The following UBE2G1 variants were observed in gnomAD, a reference collection of about 807,000 sequenced individuals.
The protein encoded by UBE2G1 is ubiquitin conjugating enzyme E2 G1.
UBE2G1 carries 5 observed loss-of-function variants against 22.7 expected under a neutral mutation model. The ratio of observed to expected loss-of-function variants is 0.22; its 90% CI spans 0.12 to 0.46. The LOEUF (loss-of-function observed/expected upper bound fraction) is 0.46. UBE2G1 is among the 20% of genes least tolerant of loss of function. UBE2G1 has a pLI of 0.99. For missense variants in UBE2G1, 88 were observed against 203.9 expected (o/e 0.43, Z 3.46); for synonymous variants, 74 against 67.5 (o/e 1.10, Z -0.47).
chr17:4,291,744 C>A (rs1044752165), intron 3 of UBE2G1, among the ~76,000 whole-genome samples: 1 of 152,178 alleles, frequency 6.6e-6, no homozygotes, highest in African/African-American at 2.4e-5. Context: ...ATGGCCATTT[C>A]ATTGCCTCCT....
At chr17:4,342,547 A>G (rs1015944609) in intron 1 of UBE2G1, among the ~76,000 whole-genome samples, 1 of 152,032 alleles carries the variant, frequency 6.6e-6, no homozygotes, top group Non-Finnish European at 1.5e-5. Context: ...GTGCCACTGA[A>G]CTCCTGCTGG....
intron 4 of UBE2G1, among the ~76,000 whole-genome samples, chr17:4,286,814 G>A (rs754052169): frequency 1.3e-5 from 2 of 151,990 alleles, no homozygotes; most frequent in Non-Finnish European, 2.9e-5. Context: ...GGCCAAGGCG[G>A]GCAGATCATT....
At chr17:4,314,963 C>A (rs1712637412) in intron 1 of UBE2G1, among the ~76,000 whole-genome samples, 1 of 152,078 alleles carries the variant, frequency 6.6e-6, no homozygotes, top group Admixed American at 6.6e-5. Flanking sequence ...AAATTTATGA[C>A]GATTATGACA....
intron 5 of UBE2G1, among the ~76,000 whole-genome samples, chr17:4,280,366 A>G (rs1368644077): frequency 1.6e-5 from 1 of 60,650 alleles, no homozygotes; most frequent in Non-Finnish European, 2.8e-5. Flanking sequence ...TTTTTTTTTG[A>G]GATGGAGTCT....
At chr17:4,326,778 C>A (rs539455351) in intron 1 of UBE2G1, among the ~76,000 whole-genome samples, 1 of 152,334 alleles carries the variant, frequency 6.6e-6, no homozygotes, top group African/African-American at 2.4e-5. Flanking sequence ...AATTATGATA[C>A]ATTCTACAAC....
intron 1 of UBE2G1, among the ~76,000 whole-genome samples, chr17:4,352,782 A>C (rs1024384833): frequency 6.6e-6 from 1 of 152,100 alleles, no homozygotes; most frequent in African/African-American, 2.4e-5. Context: ...ATTCAAAAAT[A>C]TTTTGTATGA....
At chr17:4,316,657 C>T (rs898810865) in intron 1 of UBE2G1, among the ~76,000 whole-genome samples, 6 of 152,084 alleles carry the variant, frequency 3.9e-5, no homozygotes, top group Admixed American at 1.3e-4. Context: ...ATTTGTACCA[C>T]GACACGGGCT....
At chr17:4,318,615 C>T (rs1969403320) in intron 1 of UBE2G1, among the ~76,000 whole-genome samples, 1 of 152,154 alleles carries the variant, frequency 6.6e-6, no homozygotes, top group South Asian at 2.1e-4. Flanking sequence ...AGTTGAATTC[C>T]TGTCACTTCC....
chr17:4,278,941 TAAATTA>T (rs1228031300), intron 5 of UBE2G1, among the ~76,000 whole-genome samples: 80 of 152,216 alleles, frequency 5.3e-4, no homozygotes, highest in Non-Finnish European at 5.9e-5. Flanking sequence ...ATCACAAAAA[TAAATTA>T]AAATTAAGAT....
At chr17:4,348,815 T>G (rs976319249) in intron 1 of UBE2G1, among the ~76,000 whole-genome samples, 8 of 145,346 alleles carry the variant, frequency 5.5e-5, no homozygotes, top group Non-Finnish European at 1.1e-4. Flanking sequence ...CAGCTGAGAT[T>G]ATGCCACTGC....
intron 3 of UBE2G1, among the ~76,000 whole-genome samples, chr17:4,289,718 T>C (rs1277388726): frequency 6.6e-6 from 1 of 152,204 alleles, no homozygotes; most frequent in Non-Finnish European, 1.5e-5. Context: ...ATATAATAAA[T>C]GAATAAATAG....
chr17:4,335,009 A>C (rs746017119), intron 1 of UBE2G1, among the ~76,000 whole-genome samples: 1 of 152,192 alleles, frequency 6.6e-6, no homozygotes, highest in African/African-American at 2.4e-5. Context: ...ACATGATATC[A>C]AACAAAATCT....
chr17:4,309,588 G>A (rs914078323), intron 1 of UBE2G1, among the ~76,000 whole-genome samples: 1 of 152,236 alleles, frequency 6.6e-6, no homozygotes, highest in Non-Finnish European at 1.5e-5. Context: ...CCACTTTCCT[G>A]TCAACTGAGG....
chr17:4,355,961 A>G (rs1969901601), intron 1 of UBE2G1, among the ~76,000 whole-genome samples: 1 of 148,218 alleles, frequency 6.7e-6, no homozygotes, highest in African/African-American at 2.5e-5. Flanking sequence ...CGGCCTCCCA[A>G]AGTACTGGGA....
chr17:4,289,999 GCCT>G (rs761833476), intron 3 of UBE2G1, among the ~76,000 whole-genome samples: 1 of 151,922 alleles, frequency 6.6e-6, no homozygotes, highest in Non-Finnish European at 1.5e-5. Context: ...CACTCAAGAG[GCCT>G]CCTTTCTATA....
chr17:4,282,904 A>G lies in UBE2G1; in HGVS notation c.444T>C (p.Asp148=), dbSNP rs1232995228. The change falls in exon 5 of 6, where the codon GAT becomes GAC. Residue 148 remains aspartate (D), a synonymous_variant. Coordinates refer to ENST00000396981, the MANE Select transcript of UBE2G1 (RefSeq NM_003342.5). ...NVDAAKEWRE[D]RNGEFKRKVA... ...CTTTTCTTTTAAATTCTCCATTTCT[A>G]TCTTCCCTCCATTCTTTCTGTAGAT... 5.6e-6 allele frequency: 9 copies of G among 1,613,184 alleles called. No homozygotes were observed. In the African/African-American group the frequency reaches 1.1e-4, roughly 19 times the overall value.
At chr17:4,325,578 A>G (rs562547369) in intron 1 of UBE2G1, among the ~76,000 whole-genome samples, 16 of 152,348 alleles carry the variant, frequency 1.1e-4, no homozygotes, top group African/African-American at 3.8e-4. Flanking sequence ...AAAGCAATTT[A>G]CAAATACAAT....
intron 5 of UBE2G1, among the ~76,000 whole-genome samples, chr17:4,278,270 A>G (rs76466491): frequency 0.043 from 6,484 of 152,302 alleles, 508 homozygotes; most frequent in African/African-American, 0.15. Context: ...ACATTTAAAA[A>G]TTAGGTGCAC....
At chr17:4,363,820 C>T (rs1597270519) in intron 1 of UBE2G1, among the ~76,000 whole-genome samples, 2 of 151,518 alleles carry the variant, frequency 1.3e-5, no homozygotes, top group South Asian at 2.1e-4. Context: ...GGCGTGGTGG[C>T]GGGCGCCTGT....
Sources: allele counts gnomAD v4.1 joint callset (sites outside exome capture counted in the v4.1 genomes callset), GRCh38; gene constraint gnomAD v4.1.1; transcripts MANE v1.5; gene names NCBI Gene and HGNC (gene_info 2026-07-23, HGNC 2026-07-21).